NAV3: variants seen among roughly 807,000 people sequenced by gnomAD.
NAV3 encodes the protein pore membrane and/or filament interacting like protein 1.
Under a neutral mutation model 244.7 loss-of-function variants are expected in NAV3, and 87 were observed. The observed-to-expected ratio is 0.36, with a 90% CI of 0.30 to 0.42. The LOEUF (loss-of-function observed/expected upper bound fraction) is 0.42, where lower values mean the gene tolerates loss of function less well. Ranked by LOEUF, NAV3 falls within the 20% of genes least tolerant of loss-of-function variation. The pLI is 1.00. For missense variants in NAV3, 2,663 were observed against 2,893.3 expected (o/e 0.92, Z 1.83); for synonymous variants, 1,126 against 1,042.2 (o/e 1.08, Z -1.55).
chr12:77,696,559 A>G (rs1875310193), intron 2 of NAV3, among the ~76,000 whole-genome samples: 1 of 152,148 alleles, frequency 6.6e-6, no homozygotes, highest in African/African-American at 2.4e-5. Flanking sequence ...GATGAGGTTC[A>G]TTTGGGCCTG....
intron 2 of NAV3, among the ~76,000 whole-genome samples, chr12:77,653,400 T>A (rs1872919577): frequency 6.6e-6 from 1 of 152,252 alleles, no homozygotes; most frequent in African/African-American, 2.4e-5. Flanking sequence ...ATCATACATG[T>A]ATTTGAAAAG....
At chr12:78,024,696 G>T (rs1028561021) in intron 9 of NAV3, among the ~76,000 whole-genome samples, 3 of 152,070 alleles carry the variant, frequency 2.0e-5, no homozygotes, top group African/African-American at 7.2e-5. Context: ...ACAACTTCCT[G>T]GCCGGGTGCG....
intron 2 of NAV3, among the ~76,000 whole-genome samples, chr12:77,767,940 A>T (rs1298565900): frequency 6.6e-6 from 1 of 152,222 alleles, no homozygotes; most frequent in African/African-American, 2.4e-5. Flanking sequence ...CAGGAAGAAC[A>T]AGGTATGCAG....
intron 2 of NAV3, among the ~76,000 whole-genome samples, chr12:77,798,033 A>G (rs917189949): frequency 1.3e-5 from 2 of 151,726 alleles, no homozygotes; most frequent in Non-Finnish European, 2.9e-5. Flanking sequence ...GTGGTGGCAC[A>G]TGCCTGTAAT....
chr12:77,576,316 G>A (rs753789212), intron 2 of NAV3, among the ~76,000 whole-genome samples: 1 of 151,896 alleles, frequency 6.6e-6, no homozygotes, highest in South Asian at 2.1e-4. Context: ...TTAAGCGGAG[G>A]GTTAGAGAAA....
At chr12:77,766,156 T>A (rs1167109331) in intron 2 of NAV3, among the ~76,000 whole-genome samples, 1 of 152,006 alleles carries the variant, frequency 6.6e-6, no homozygotes, top group Non-Finnish European at 1.5e-5. Flanking sequence ...TCCCAGCTAA[T>A]AAAAATAAAC....
chr12:77,917,965 G>A (rs1271100517), intron 1 of NAV3, among the ~76,000 whole-genome samples: 1 of 152,040 alleles, frequency 6.6e-6, no homozygotes, highest in East Asian at 1.9e-4. Context: ...GTAGAAAAAT[G>A]GAATGGCATT....
At chr12:77,670,542 A>T (rs571285832) in intron 2 of NAV3, among the ~76,000 whole-genome samples, 11 of 152,166 alleles carry the variant, frequency 7.2e-5, no homozygotes, top group Admixed American at 3.3e-4. Flanking sequence ...TCCTCAACAA[A>T]ATACTAGCAA....
intron 5 of NAV3, among the ~76,000 whole-genome samples, chr12:77,971,116 G>A (rs570699185): frequency 1.3e-5 from 2 of 152,022 alleles, no homozygotes; most frequent in Admixed American, 6.6e-5. Flanking sequence ...GTGAAACTAT[G>A]GGGTAGTTTA....
At chr12:77,767,477 C>G (rs139512507) in intron 2 of NAV3, among the ~76,000 whole-genome samples, 2 of 152,284 alleles carry the variant, frequency 1.3e-5, no homozygotes, top group African/African-American at 4.8e-5. Context: ...CAGCCCAGAT[C>G]CCATGCCTCT....
intron 1 of NAV3, among the ~76,000 whole-genome samples, chr12:77,854,894 G>A (rs1023326958): frequency 1.3e-5 from 2 of 152,132 alleles, no homozygotes; most frequent in Non-Finnish European, 2.9e-5. Context: ...GAGGTGGGTG[G>A]AGGCAGGCAG....
chr12:78,024,992 A>AG (rs1877780822), intron 9 of NAV3, among the ~76,000 whole-genome samples: 1 of 151,016 alleles, frequency 6.6e-6, no homozygotes, highest in Non-Finnish European at 1.5e-5. Flanking sequence ...AGGGGGAAAA[A>AG]AAAAGCCACA....
intron 22 of NAV3, among the ~76,000 whole-genome samples, chr12:78,150,384 T>TAATAAATGG (rs1281304636): frequency 2.0e-5 from 3 of 152,064 alleles, no homozygotes; most frequent in Non-Finnish European, 4.4e-5. Flanking sequence ...GATATTGGAA[T>TAATAAATGG]AATAAATGGC....
chr12:78,126,782 A>G (rs1334991507), intron 16 of NAV3, among the ~76,000 whole-genome samples: 2 of 152,160 alleles, frequency 1.3e-5, no homozygotes, highest in Non-Finnish European at 2.9e-5. Flanking sequence ...GGAAGTTGTC[A>G]CTCTAACTTA....
intron 3 of NAV3, among the ~76,000 whole-genome samples, chr12:77,943,573 TTTAA>T (rs567018339): frequency 9.6e-4 from 147 of 152,348 alleles, no homozygotes; most frequent in Non-Finnish European, 1.8e-3. Context: ...AATTCCAGAC[TTTAA>T]TTGAGACAAG....
At chr12:77,938,043 A>G (rs1889493299) in intron 1 of NAV3, among the ~76,000 whole-genome samples, 1 of 152,164 alleles carries the variant, frequency 6.6e-6, no homozygotes, top group African/African-American at 2.4e-5. Flanking sequence ...AGTGGTCTCA[A>G]GTCAGATCTG....
At chr12:78,111,824 G>A (rs993332673) in intron 12 of NAV3, among the ~76,000 whole-genome samples, 5 of 152,124 alleles carry the variant, frequency 3.3e-5, no homozygotes, top group African/African-American at 1.2e-4. Flanking sequence ...TCATCAAAGT[G>A]TGTATATTTG....
At chr12:78,200,665 A>T in intron 38 of NAV3, 74 bp downstream of exon 38, 3 of 809,622 alleles carry the variant, frequency 3.7e-6, no homozygotes, top group Admixed American at 2.9e-5. Flanking sequence ...AAAGCAAAAA[A>T]AAATATCTGG....
chr12:77,914,469 G>A (rs547035652), intron 1 of NAV3, among the ~76,000 whole-genome samples: 9 of 151,986 alleles, frequency 5.9e-5, no homozygotes, highest in Non-Finnish European at 1.0e-4. Flanking sequence ...TCATGAAATG[G>A]CAAGATAAAT....
Sources: allele counts gnomAD v4.1 joint callset (sites outside exome capture counted in the v4.1 genomes callset), GRCh38; gene constraint gnomAD v4.1.1; transcripts MANE v1.5; gene names NCBI Gene and HGNC (gene_info 2026-07-23, HGNC 2026-07-21).